The following RAB37 variants were observed in gnomAD, a reference collection of about 807,000 sequenced individuals.
RAB37 encodes the protein RAB37, member RAS oncogene family, also known as ras-related protein Rab-37.
RAB37 carries 29 observed loss-of-function variants against 33.1 expected under a neutral mutation model. The ratio of observed to expected loss-of-function variants is 0.88; its 90% CI spans 0.65 to 1.20. The LOEUF is 1.20. Ranked by LOEUF, RAB37 falls within the 50% of genes most tolerant of loss-of-function variation. The pLI is 0.00. For missense variants in RAB37, 299 were observed against 301.1 expected (o/e 0.99, Z 0.05); for synonymous variants, 128 against 119.5 (o/e 1.07, Z -0.47).
intron 1 of RAB37, among the ~76,000 whole-genome samples, chr17:74,703,467 C>A (rs1240135937): frequency 6.6e-6 from 1 of 152,148 alleles, no homozygotes; most frequent in African/African-American, 2.4e-5. Flanking sequence ...AATCTCCACC[C>A]CCAGCCCTAT....
chr17:74,728,546 G>A (rs2144027499), intron 1 of RAB37, among the ~76,000 whole-genome samples: 1 of 151,890 alleles, frequency 6.6e-6, no homozygotes, highest in East Asian at 1.9e-4. Flanking sequence ...ATGTGTTTGT[G>A]TGTGTGCCTA....
chr17:74,704,807 A>G lies in RAB37; in HGVS notation c.73-24449A>G, dbSNP rs756663721. ...TGTTGGACCGGTGATTTGAGTGACAATGGAGTAGCCTGGAAAACACAAATT... is the reference window on the plus strand; with the variant it reads ...TGTTGGACCGGTGATTTGAGTGACAGTGGAGTAGCCTGGAAAACACAAATT... On this transcript the variant is annotated intron_variant, in intron 1 of 7. Transcript: ENST00000340415. 1.9e-5 allele frequency: 31 copies of G among 1,611,712 alleles called. No homozygotes were observed. Among genetic ancestry groups the G allele is most frequent in the East Asian group, 6.7e-5 (3 of 44,838 alleles).
upstream of RAB37, among the ~76,000 whole-genome samples, chr17:74,734,506 T>A (rs2034437169): frequency 6.6e-6 from 1 of 152,118 alleles, no homozygotes; most frequent in Non-Finnish European, 1.5e-5. Flanking sequence ...GCATGCCCTG[T>A]CCCCTCTCTC....
At chr17:74,684,117 T>C (rs2032007660) in intron 1 of RAB37, among the ~76,000 whole-genome samples, 1 of 147,456 alleles carries the variant, frequency 6.8e-6, no homozygotes, top group Non-Finnish European at 1.5e-5. Flanking sequence ...TTGAGACGAG[T>C]CTCTCTCTGT....
intron 1 of RAB37, among the ~76,000 whole-genome samples, chr17:74,739,986 G>A (rs545871073): frequency 7.3e-5 from 11 of 151,706 alleles, no homozygotes; most frequent in African/African-American, 2.4e-4. Context: ...GAGAAACCCC[G>A]TCTCTACTAA....
At chr17:74,688,748 T>G (rs773368420) in intron 1 of RAB37, among the ~76,000 whole-genome samples, 2 of 152,116 alleles carry the variant, frequency 1.3e-5, no homozygotes, top group Non-Finnish European at 1.5e-5. Context: ...GAGAGAACTG[T>G]AAAATATCGG....
intron 1 of RAB37, chr17:74,695,928 G>A: frequency 6.5e-7 from 1 of 1,543,208 alleles, no homozygotes; most frequent in Non-Finnish European, 8.8e-7. Flanking sequence ...TTTCCACGGT[G>A]GGACGGGACG....
intron 1 of RAB37, among the ~76,000 whole-genome samples, chr17:74,723,885 A>G (rs2034273567): frequency 6.6e-6 from 1 of 152,048 alleles, no homozygotes; most frequent in Admixed American, 6.6e-5. Context: ...TAACATTTTC[A>G]TAAATGCGAA....
intron 1 of RAB37, among the ~76,000 whole-genome samples, chr17:74,687,784 C>T (rs755417876): frequency 1.3e-5 from 2 of 152,182 alleles, no homozygotes; most frequent in African/African-American, 2.4e-5. Context: ...GGAGCGGGTC[C>T]ATGCCTGGAG....
chr17:74,691,145 A>C (rs2032150260), intron 1 of RAB37, among the ~76,000 whole-genome samples: 1 of 152,116 alleles, frequency 6.6e-6, no homozygotes, highest in Non-Finnish European at 1.5e-5. Context: ...AGTAGCTGGG[A>C]CTGCAGGCGT....
At chr17:74,681,951 C>T (rs1194843182) in intron 1 of RAB37, among the ~76,000 whole-genome samples, 1 of 152,214 alleles carries the variant, frequency 6.6e-6, no homozygotes, top group East Asian at 1.9e-4. Flanking sequence ...TAGGAGGCAG[C>T]TCATTAGCAG....
chr17:74,695,779 G>A (rs2032398822), intron 1 of RAB37: 1 of 1,614,062 alleles, frequency 6.2e-7, no homozygotes, highest in African/African-American at 1.3e-5. Context: ...AAAGCTTCGT[G>A]GTAGCCTTTT....
chr17:74,680,500 A>T (rs1395864321), intron 1 of RAB37, among the ~76,000 whole-genome samples: 2 of 152,146 alleles, frequency 1.3e-5, no homozygotes, highest in Admixed American at 1.3e-4. Flanking sequence ...GAAAAAATGG[A>T]ACTTGGAGGA....
chr17:74,734,855 AAAAG>A (rs944644605), upstream of RAB37, among the ~76,000 whole-genome samples: 1 of 151,436 alleles, frequency 6.6e-6, no homozygotes, highest in Non-Finnish European at 1.5e-5. Context: ...GAAAGAAACA[AAAAG>A]AAAGAAAGAA....
chr17:74,708,785 G>A (rs368605844), intron 1 of RAB37, among the ~76,000 whole-genome samples: 15 of 151,918 alleles, frequency 9.9e-5, no homozygotes, highest in Admixed American at 4.6e-4. Context: ...GCGTGGTGGC[G>A]GGCGCCTGTA....
chr17:74,687,234 A>T (rs1034182738), intron 1 of RAB37, among the ~76,000 whole-genome samples: 1 of 150,120 alleles, frequency 6.7e-6, no homozygotes, highest in East Asian at 2.0e-4. Flanking sequence ...TTATTTATTT[A>T]TTTATTTGAG....
At chr17:74,711,658 T>C (rs369655306) in intron 1 of RAB37, among the ~76,000 whole-genome samples, 3 of 152,268 alleles carry the variant, frequency 2.0e-5, no homozygotes, top group African/African-American at 7.2e-5. Context: ...CCCTCGTATC[T>C]ACTGTTCCCT....
intron 1 of RAB37, among the ~76,000 whole-genome samples, chr17:74,714,138 G>A (rs2034118338): frequency 1.3e-5 from 2 of 151,988 alleles, no homozygotes; most frequent in Non-Finnish European, 2.9e-5. Context: ...TTGAACCCAG[G>A]CGGCAGAGGT....
rs572344639 is a variant in RAB37 at position 74,730,733 on chromosome 17, C to T, written c.183+1367C>T. Among the ~76,000 whole-genome samples, 1 of 152,262 alleles carries T rather than the reference C, an allele frequency of 6.6e-6. No individual in the cohort carries two copies. Among genetic ancestry groups the T allele is most frequent in the Non-Finnish European group, 1.5e-5 (1 of 68,002 alleles). On this transcript the variant is annotated intron_variant, in intron 2 of 7. Coordinates refer to the RAB37 transcript ENST00000340415. The surrounding 1 kb of genome is among the most constrained non-coding windows in gnomAD (Gnocchi z 4.4). ...GCACACCCTGCCCTCAGGGTCACAC[C>T]CGCATCTCCTCACCCACCCTTCTGC... is the stretch of plus-strand genomic sequence containing the variant.
Sources: gnomAD v4.1 joint callset for allele counts (sites outside exome capture counted in the v4.1 genomes callset) on GRCh38, gnomAD v4.1.1 for gene constraint, Gnocchi (gnomAD v3.1) non-coding constraint, MANE v1.5 for transcripts, NCBI Gene and HGNC (gene_info 2026-07-23, HGNC 2026-07-21) for gene names.